The following PKP2 variants were observed in gnomAD, a reference collection of about 807,000 sequenced individuals.
PKP2 encodes the protein plakophilin 2.
PKP2 carries 73 observed loss-of-function variants against 83.4 expected under a neutral mutation model. That is an observed-to-expected ratio of 0.88 (90% CI 0.72 to 1.06). The LOEUF (loss-of-function observed/expected upper bound fraction) is 1.06. Among genes scored for constraint, PKP2 ranks in the 50% least tolerant of loss-of-function variants. The pLI, the probability that PKP2 is intolerant of heterozygous loss-of-function variation, is 0.00. For synonymous variants in PKP2, 409 were observed against 430.4 expected (o/e 0.95, Z 0.62); for missense variants, 966 against 1,065.4 (o/e 0.91, Z 1.30).
chr12:32,891,171 A>ATT (rs1309717287), intron 1 of PKP2, among the ~76,000 whole-genome samples: 1 of 152,126 alleles, frequency 6.6e-6, no homozygotes, highest in African/African-American at 2.4e-5. Context: ...GAAGTAGGGT[A>ATT]TTTATCTTCA....
At chr12:32,801,500 A>T (rs1455054239) in intron 10 of PKP2, among the ~76,000 whole-genome samples, 1 of 152,208 alleles carries the variant, frequency 6.6e-6, no homozygotes, top group Non-Finnish European at 1.5e-5. Flanking sequence ...ACCTCCTGTC[A>T]AATGTGCTGC....
chr12:32,804,125 G>GT (rs1169951677), intron 9 of PKP2, among the ~76,000 whole-genome samples: 3 of 152,180 alleles, frequency 2.0e-5, no homozygotes, highest in Non-Finnish European at 4.4e-5. Context: ...TCTCTACCAT[G>GT]CTGTGTTTTG....
At chr12:32,886,820 C>T (rs751053773) in intron 1 of PKP2, among the ~76,000 whole-genome samples, 2 of 151,520 alleles carry the variant, frequency 1.3e-5, no homozygotes, top group South Asian at 2.1e-4. Flanking sequence ...AGTGAGATCT[C>T]GTCTCTACAA....
chr12:32,861,548 A>G (rs1346620641), intron 4 of PKP2, among the ~76,000 whole-genome samples: 1 of 152,230 alleles, frequency 6.6e-6, no homozygotes, highest in East Asian at 1.9e-4. Context: ...ATCTAAAAAC[A>G]CAGAGAAAGA....
At chr12:32,885,824 A>G (rs1437010697) in intron 1 of PKP2, among the ~76,000 whole-genome samples, 1 of 152,200 alleles carries the variant, frequency 6.6e-6, no homozygotes, top group Non-Finnish European at 1.5e-5. Context: ...AACCAACTAC[A>G]GTTTCTTTTA....
rs796913040 is a variant in PKP2 at position 32,855,794 on chromosome 12, A to G, written c.1171-4821T>C. 9.1e-4 allele frequency among the ~76,000 whole-genome samples: 135 copies of G among 148,388 alleles called. 3 individuals carry two copies. The highest frequency in any genetic ancestry group is 3.3e-3 in the African/African-American group (130 of 38,940). On this transcript the variant is annotated intron_variant, in intron 4 of 12. Coordinates refer to ENST00000340811, the MANE Select transcript of PKP2 (RefSeq NM_001005242.3). ...ATCTCAAAAAAAAAAAAAAAAAAAA[A>G]AGGAAGAAAATATCTATGAATTTCT...
In PKP2 at chr12:32,896,610, G is replaced by A. The variant is rs1220759009; in HGVS notation, c.122C>T (p.Ala41Val). Reference sequence around the variant, plus strand: ...CTGGCCGCCGCGGCCGCTGCTCCCCGCCAGCTTCAGCTTGGCCTCGGAGGG... The same window carrying A: ...CTGGCCGCCGCGGCCGCTGCTCCCCACCAGCTTCAGCTTGGCCTCGGAGGG... ...ALPSEAKLKL[A>V]GSSGRGGQTV... The change falls in exon 1 of 13, where the codon GCG becomes GTG. Residue 41 changes from alanine to valine, a missense_variant. Ala to Val is a moderately conservative substitution (Grantham distance 64, BLOSUM62 0). Transcript: ENST00000340811. 2.5e-6 allele frequency: 4 copies of A among 1,584,058 alleles called. No homozygotes were observed. Among genetic ancestry groups the A allele is most frequent in the Admixed American group, 1.7e-5 (1 of 58,530 alleles).
chr12:32,829,240 T>C (rs1304719893), intron 6 of PKP2, among the ~76,000 whole-genome samples: 2 of 151,388 alleles, frequency 1.3e-5, no homozygotes, highest in Non-Finnish European at 2.9e-5. Flanking sequence ...AATTTCTTTA[T>C]TTTTTATTTA....
intron 10 of PKP2, among the ~76,000 whole-genome samples, chr12:32,799,584 C>G (rs907581994): frequency 6.6e-6 from 1 of 152,110 alleles, no homozygotes; most frequent in South Asian, 2.1e-4. Flanking sequence ...ATATACACAC[C>G]ATGGAATACT....
chr12:32,864,732 A>C (rs908870440), intron 4 of PKP2, among the ~76,000 whole-genome samples: 4 of 152,212 alleles, frequency 2.6e-5, no homozygotes, highest in African/African-American at 4.8e-5. Flanking sequence ...AACTTTGAAA[A>C]AGAATAAAAT....
intron 1 of PKP2, among the ~76,000 whole-genome samples, chr12:32,889,709 G>T (rs908647960): frequency 1.3e-5 from 2 of 152,072 alleles, no homozygotes; most frequent in African/African-American, 4.8e-5. Flanking sequence ...AAATAGTTTC[G>T]ACTGTTCTCT....
chr12:32,866,550 C>CAA lies in PKP2; in HGVS notation c.1170+2375_1170+2376dup, dbSNP rs56079220. On this transcript the variant is annotated intron_variant, in intron 4 of 12. Transcript: ENST00000340811. ...TGGGCAACAGAGGCAGATCCTTTCT[C>CAA]AAAAAAAAAAAAAAAAAAAAAAAAA... 3.1e-3 allele frequency among the ~76,000 whole-genome samples: 114 copies of CAA among 36,204 alleles called. 7 individuals are homozygous for CAA. Among genetic ancestry groups the CAA allele is most frequent in the African/African-American group, 0.013 (99 of 7,418 alleles). 23.8% of individuals were successfully genotyped at this position (36,204 alleles called of 152,430 possible).
intron 6 of PKP2, among the ~76,000 whole-genome samples, chr12:32,829,755 A>G (rs1956481114): frequency 6.6e-6 from 1 of 151,818 alleles, no homozygotes; most frequent in Admixed American, 6.6e-5. Flanking sequence ...CCGCTGCCCA[A>G]GTTCAACGGG....
chr12:32,864,445 A>G (rs1956829454), intron 4 of PKP2, among the ~76,000 whole-genome samples: 1 of 151,772 alleles, frequency 6.6e-6, no homozygotes, highest in African/African-American at 2.4e-5. Context: ...GCATCTGGAA[A>G]TATGATAAAC....
At chr12:32,810,517 G>A (rs1428979828) in intron 9 of PKP2, among the ~76,000 whole-genome samples, 1 of 152,096 alleles carries the variant, frequency 6.6e-6, no homozygotes, top group Non-Finnish European at 1.5e-5. Context: ...AACTCCTTTT[G>A]AACACTTTCT....
chr12:32,864,342 A>G (rs1956828268), intron 4 of PKP2, among the ~76,000 whole-genome samples: 1 of 149,752 alleles, frequency 6.7e-6, no homozygotes, highest in Non-Finnish European at 1.5e-5. Flanking sequence ...ACACACATAC[A>G]CACGTAAATA....
intron 10 of PKP2, among the ~76,000 whole-genome samples, chr12:32,800,872 T>C (rs1048774307): frequency 2.6e-5 from 4 of 152,212 alleles, no homozygotes; most frequent in African/African-American, 9.7e-5. Flanking sequence ...TTTGAGAAAA[T>C]GTAAGTTTCA....
chr12:32,799,260 C>T (rs944329702), intron 10 of PKP2, among the ~76,000 whole-genome samples: 1 of 152,074 alleles, frequency 6.6e-6, no homozygotes, highest in Non-Finnish European at 1.5e-5. Context: ...GCAAGAATGA[C>T]CATAATTTAA....
At position 32,792,172 on chromosome 12, in the gene PKP2, T is replaced by C. The variant is rs886049316; in HGVS notation, c.*252A>G. 42 of 528,280 alleles carry C rather than the reference T, an allele frequency of 8.0e-5. No homozygotes were observed. The highest frequency in any genetic ancestry group is 1.2e-4 in the Non-Finnish European group (35 of 293,446). The allele number at this position is 528,280 out of a possible 1,614,324, so 32.7% of individuals were successfully genotyped here. On this transcript the variant is annotated 3_prime_UTR_variant, in exon 13 of 13. Transcript: ENST00000340811. Reference sequence around the variant, plus strand: ...TTCACATTTTGATTCCAGGAAGCCATGTACCATAAGCCCTAATAACAAAGA... The same window carrying C: ...TTCACATTTTGATTCCAGGAAGCCACGTACCATAAGCCCTAATAACAAAGA...
Sources: gnomAD v4.1 joint callset for allele counts (sites outside exome capture counted in the v4.1 genomes callset) on GRCh38, gnomAD v4.1.1 for gene constraint, MANE v1.5 for transcripts, NCBI Gene and HGNC (gene_info 2026-07-23, HGNC 2026-07-21) for gene names.